The following KIFC3 variants were observed in gnomAD, a reference collection of about 807,000 sequenced individuals.
KIFC3 encodes kinesin family member C3, also known as kinesin-like protein KIFC3.
In KIFC3, 60 loss-of-function variants were observed where a neutral mutation model predicts 101.8. The ratio of observed to expected loss-of-function variants is 0.59; its 90% CI spans 0.48 to 0.73. The LOEUF is 0.73. Among genes scored for constraint, KIFC3 ranks in the 30% least tolerant of loss-of-function variants. The probability of loss-of-function intolerance (pLI) is 0.00; values close to 1 mark genes in which losing one functional copy is unlikely to be tolerated. For synonymous variants in KIFC3, 476 were observed against 482.7 expected (o/e 0.99, Z 0.18); for missense variants, 966 against 1,137.1 (o/e 0.85, Z 2.16).
intron 1 of KIFC3, among the ~76,000 whole-genome samples, chr16:57,810,065 C>T (rs532438044): frequency 2.6e-5 from 4 of 152,244 alleles, no homozygotes; most frequent in East Asian, 1.9e-4. Context: ...CTCAGTACCC[C>T]GCGGTCCAAC....
intron 3 of KIFC3, among the ~76,000 whole-genome samples, chr16:57,787,235 C>T (rs1000316425): frequency 2.6e-5 from 4 of 152,330 alleles, no homozygotes; most frequent in Admixed American, 6.5e-5. Context: ...TTCTGCCACT[C>T]GAGAGACGTG....
intron 1 of KIFC3, among the ~76,000 whole-genome samples, chr16:57,826,526 CTT>C (rs1254426991): frequency 6.0e-4 from 91 of 152,212 alleles, no homozygotes; most frequent in African/African-American, 1.8e-3. Context: ...AACCACCACT[CTT>C]TTGAAAATTT....
At chr16:57,858,317 G>A (rs1388908449) in intron 1 of KIFC3, among the ~76,000 whole-genome samples, 2 of 152,188 alleles carry the variant, frequency 1.3e-5, no homozygotes, top group Admixed American at 6.5e-5. Flanking sequence ...AGAGCACTTC[G>A]CCCCTAGGAG....
Position 57,759,228 on chromosome 16 carries a change from AC to A in KIFC3, c.2477-76del. 2.0e-6 allele frequency: 3 copies of A among 1,507,754 alleles called. No homozygotes were observed. The South Asian group carries it at 3.6e-5, about 18-fold the overall frequency. 93.4% of individuals were successfully genotyped at this position (1,507,754 alleles called of 1,614,324 possible). A position where few individuals can be genotyped will look rare whatever the true frequency, so the allele number is the denominator to read the frequency against. ...TACCCCACAAGACCCTGCTGCTGCT[AC>A]CCCTTTGGACTCAAGGATGGGCCAG... On this transcript the variant is annotated intron_variant, in intron 18 of 19. Coordinates refer to ENST00000445690, the MANE Select transcript of KIFC3 (RefSeq NM_001130100.2).
intron 1 of KIFC3, among the ~76,000 whole-genome samples, chr16:57,853,085 C>A (rs971337643): frequency 1.3e-5 from 2 of 151,974 alleles, no homozygotes; most frequent in African/African-American, 2.4e-5. Context: ...GAAATATAAT[C>A]AAAACCCAAT....
Position 57,802,351 on chromosome 16 carries a change from G to T in KIFC3, c.-40+19C>A, listed in dbSNP as rs1257366086. The T allele has an allele frequency of 2.0e-6, 2 of 978,838 alleles. No homozygotes were observed. The highest frequency in any genetic ancestry group is 2.4e-6 in the Non-Finnish European group (2 of 824,914). The allele number at this position is 978,838 out of a possible 1,614,324, so 60.6% of individuals were successfully genotyped here. The stretch of plus-strand genomic sequence containing the variant: ...CCAGCGCCCCGCTCGCACCCAGCCC[G>T]CCCGGGCCCCCCACTCACCGGCCTG... On this transcript the variant is annotated intron_variant, in intron 1 of 19. Transcript: ENST00000445690. This position sits in a 1 kb window ranked among gnomAD's most constrained non-coding sequence, Gnocchi z 5.0.
chr16:57,851,406 T>C (rs1311910457), intron 1 of KIFC3, among the ~76,000 whole-genome samples: 14 of 152,190 alleles, frequency 9.2e-5, no homozygotes, highest in African/African-American at 2.9e-4. Context: ...TCCCCTCATA[T>C]TAAAAACACA....
intron 3 of KIFC3, among the ~76,000 whole-genome samples, 160 bp downstream of exon 3, chr16:57,794,839 G>A (rs1225026685): frequency 6.6e-6 from 1 of 152,182 alleles, no homozygotes; most frequent in Non-Finnish European, 1.5e-5. Context: ...TAATAAAGCA[G>A]GCTCCCAGGC....
chr16:57,820,535 C>T (rs2055327320), intron 1 of KIFC3, among the ~76,000 whole-genome samples: 3 of 152,200 alleles, frequency 2.0e-5, no homozygotes. Context: ...CCACCTCAGC[C>T]TCCCAAGTGC....
Position 57,852,330 on chromosome 16 carries a change from A to G in KIFC3, c.108+10399T>C, listed in dbSNP as rs141641217. 7.9e-5 allele frequency among the ~76,000 whole-genome samples: 12 copies of G among 152,026 alleles called. No individual in the cohort carries two copies. The East Asian group carries it at 2.3e-3, about 29-fold the overall frequency. ...CAGTTTTATTAGTTCCTTTCTCCAGAGCTGATTTGTTTCCCCAGAAGTGAA... is the reference window on the plus strand; with the variant it reads ...CAGTTTTATTAGTTCCTTTCTCCAGGGCTGATTTGTTTCCCCAGAAGTGAA... On this transcript the variant is annotated intron_variant, in intron 1 of 2. Transcript: ENST00000563028.
chr16:57,846,102 G>A (rs1168180399), intron 1 of KIFC3, among the ~76,000 whole-genome samples: 1 of 152,188 alleles, frequency 6.6e-6, no homozygotes, highest in Non-Finnish European at 1.5e-5. Flanking sequence ...ACCCTTTCAT[G>A]CCAAGACACT....
At position 57,765,463 on chromosome 16, in the gene KIFC3, T is replaced by C; in HGVS notation, c.1508A>G (p.Gln503Arg). 1 of 1,577,894 alleles carries C rather than the reference T, an allele frequency of 6.3e-7. No individual in the cohort carries two copies. The highest frequency in any genetic ancestry group is 8.6e-7 in the Non-Finnish European group (1 of 1,160,016). The stretch of plus-strand genomic sequence containing the variant: ...CCCGCATGGGGCCACACTCACGTCC[T>C]GCTGCGAGGCCTGTGGGGAGAAGAC... ...DKVFSPQASQ[Q>R]DVFQEVQALV... Residue 503 changes from glutamine (Q) to arginine (R), a missense_variant, in exon 11 of 20, where the codon CAG (glutamine) becomes CGG (arginine). Transcript: ENST00000445690.
intron 1 of KIFC3, among the ~76,000 whole-genome samples, chr16:57,860,023 A>AAAATAAAATAAAATT (rs2056261152): frequency 6.4e-5 from 2 of 31,214 alleles, no homozygotes; most frequent in Non-Finnish European, 1.1e-4. Flanking sequence ...CTCTGTCTCA[A>AAAATAAAATAAAATT]AAATAAAATA....
intron 3 of KIFC3, among the ~76,000 whole-genome samples, chr16:57,793,526 G>A (rs1420396027): frequency 2.0e-5 from 3 of 150,768 alleles, no homozygotes; most frequent in Admixed American, 1.3e-4. Flanking sequence ...CCGGGAGGCG[G>A]AGGCTGCAGT....
At chr16:57,857,785 CT>C (rs1174564433) in intron 1 of KIFC3, among the ~76,000 whole-genome samples, 154 of 117,132 alleles carry the variant, frequency 1.3e-3, no homozygotes, top group East Asian at 3.2e-3. Context: ...TTTTCTTTTT[CT>C]TTTTTTTTTT....
At chr16:57,791,849 C>G (rs1027379464) in intron 3 of KIFC3, among the ~76,000 whole-genome samples, 1 of 152,210 alleles carries the variant, frequency 6.6e-6, no homozygotes, top group East Asian at 1.9e-4. Context: ...CTCACCAGAC[C>G]TGCTTTTCTA....
Position 57,764,486 on chromosome 16 carries a change from C to T in KIFC3, c.1513-239G>A, listed in dbSNP as rs1287780082. ...AGGCCAGTGCCTGCTGCCCTTCCCC[C>T]AGCTCCTCCTGCTCTCTCTCAAAGA... On this transcript the variant is annotated intron_variant, in intron 11 of 19. Coordinates refer to ENST00000445690, the MANE Select transcript of KIFC3 (RefSeq NM_001130100.2). The T allele has an allele frequency of 1.3e-5, 7 of 526,022 alleles. No individual in the cohort carries two copies. In the African/African-American group the frequency reaches 1.3e-4, roughly 10 times the overall value. 32.6% of individuals were successfully genotyped at this position (526,022 alleles called of 1,614,324 possible). A position where few individuals can be genotyped will look rare whatever the true frequency, so the allele number is the denominator to read the frequency against.
At chr16:57,773,377 G>A (rs1039306621) in intron 3 of KIFC3, among the ~76,000 whole-genome samples, 8 of 152,174 alleles carry the variant, frequency 5.3e-5, no homozygotes, top group East Asian at 1.9e-4. Context: ...CGGCCACCAC[G>A]TACTCTCCTC....
intron 3 of KIFC3, among the ~76,000 whole-genome samples, chr16:57,787,983 C>G (rs1434670423): frequency 6.6e-6 from 1 of 152,238 alleles, no homozygotes; most frequent in African/African-American, 2.4e-5. Context: ...CCATTATCAC[C>G]AGGCTCTCGC....
Sources: allele counts gnomAD v4.1 joint callset (sites outside exome capture counted in the v4.1 genomes callset), GRCh38; gene constraint gnomAD v4.1.1; non-coding constraint Gnocchi (gnomAD v3.1); transcripts MANE v1.5; gene names NCBI Gene and HGNC (gene_info 2026-07-23, HGNC 2026-07-21).